Variants in PTCHD4 observed in about 807,000 individuals in gnomAD.
PTCHD4 encodes the protein patched domain containing 4, also known as patched domain-containing protein 4.
PTCHD4 carries 33 observed loss-of-function variants against 58.1 expected under a neutral mutation model. That is an observed-to-expected ratio of 0.57 (90% confidence interval 0.43 to 0.76). PTCHD4 has a LOEUF of 0.76. Ranked by LOEUF, PTCHD4 falls within the 30% of genes least tolerant of loss-of-function variation. The probability of loss-of-function intolerance (pLI) is 0.00; values close to 1 mark genes in which losing one functional copy is unlikely to be tolerated. For synonymous variants in PTCHD4, 478 were observed against 409.6 expected, an observed-to-expected ratio of 1.17 and a Z score of -2.02; for missense variants, 1,058 against 1,027.1, an observed-to-expected ratio of 1.03 and a Z score of -0.41.
At chr6:48,043,486 A>AT (rs1320501860) in intron 3 of PTCHD4, among the ~76,000 whole-genome samples, 3 of 151,766 alleles carry the variant, frequency 2.0e-5, no homozygotes, top group Non-Finnish European at 4.4e-5. Context: ...TTATCTCACT[A>AT]TTTTTTATCT....
chr6:48,100,658 T>G (rs1765585630), intron 1 of PTCHD4, among the ~76,000 whole-genome samples: 1 of 152,206 alleles, frequency 6.6e-6, no homozygotes, highest in Non-Finnish European at 1.5e-5. Context: ...GAGAGGAAGA[T>G]AAGCTTGGCG....
rs1763921700 is a variant in PTCHD4, at chr6:47,878,789, G to A, written c.2046C>T (p.Asn682=). The change falls in exon 5 of 5, where the codon AAC becomes AAT. Residue 682 remains asparagine, a synonymous_variant. Transcript: ENST00000339488. The part of the protein sequence containing the change: ...TFFLVIHPLG[N]FWLILSVTSI... ...AGGTGACGCTAAGAATTAGCCAGAA[G>A]TTTCCCAGAGGGTGGATCACTAGGA... The A allele has an allele frequency of 2.5e-6, 4 of 1,613,618 alleles. No homozygotes were observed. The highest frequency in any genetic ancestry group is 4.5e-5 in the East Asian group (2 of 44,834).
intron 4 of PTCHD4, among the ~76,000 whole-genome samples, chr6:47,989,977 T>C (rs1239494672): frequency 6.6e-6 from 1 of 152,188 alleles, no homozygotes; most frequent in Non-Finnish European, 1.5e-5. Flanking sequence ...AGGGGGACTC[T>C]ACCCTGCAAA....
intron 4 of PTCHD4, chr6:47,901,491 C>CA (rs1186714348): frequency 4.1e-6 from 4 of 979,672 alleles, no homozygotes. Context: ...TAAACTTCAT[C>CA]AGTCAGTATT....
intron 4 of PTCHD4, among the ~76,000 whole-genome samples, chr6:47,922,435 GC>G (rs1240398006): frequency 6.6e-6 from 1 of 152,048 alleles, no homozygotes; most frequent in Admixed American, 6.6e-5. Flanking sequence ...TCCTTTACCA[GC>G]CCCCCTGCCG....
At chr6:48,075,439 GT>G (rs748270040) in intron 1 of PTCHD4, among the ~76,000 whole-genome samples, 8,137 of 136,648 alleles carry the variant, frequency 0.06, 222 homozygotes, top group Non-Finnish European at 0.075. Context: ...AGTTTTGTGG[GT>G]TTTTTTTTTT....
At chr6:48,049,353 A>G (rs1201136370) in intron 3 of PTCHD4, among the ~76,000 whole-genome samples, 1 of 151,916 alleles carries the variant, frequency 6.6e-6, no homozygotes, top group African/African-American at 2.4e-5. Context: ...GTTCTCTGAA[A>G]TATTGAAATA....
intron 4 of PTCHD4, among the ~76,000 whole-genome samples, chr6:48,006,622 G>T (rs1762448479): frequency 6.6e-6 from 1 of 152,132 alleles, no homozygotes; most frequent in African/African-American, 2.4e-5. Context: ...ACTCATCTTT[G>T]TCATTGGTGA....
At chr6:48,021,411 T>A (rs1314981846) in intron 3 of PTCHD4, among the ~76,000 whole-genome samples, 1 of 152,150 alleles carries the variant, frequency 6.6e-6, no homozygotes, top group Non-Finnish European at 1.5e-5. Flanking sequence ...GTTGGCTCAA[T>A]ATCACTCTCC....
intron 1 of PTCHD4, among the ~76,000 whole-genome samples, chr6:48,101,571 T>C (rs1378331493): frequency 1.3e-5 from 2 of 152,212 alleles, no homozygotes; most frequent in Non-Finnish European, 2.9e-5. Context: ...TTACAGTTGA[T>C]GAGTGGAGAT....
chr6:48,048,658 C>T (rs1764124569), intron 3 of PTCHD4, among the ~76,000 whole-genome samples: 1 of 151,858 alleles, frequency 6.6e-6, no homozygotes, highest in Non-Finnish European at 1.5e-5. Flanking sequence ...CATCTCAGCT[C>T]GCTGTTTCTG....
At chr6:48,056,205 T>A (rs1764398436) in intron 3 of PTCHD4, among the ~76,000 whole-genome samples, 1 of 152,200 alleles carries the variant, frequency 6.6e-6, no homozygotes, top group African/African-American at 2.4e-5. Flanking sequence ...ATACAATACA[T>A]ATCCTCAAAA....
At chr6:48,006,698 T>C (rs1762450270) in intron 4 of PTCHD4, among the ~76,000 whole-genome samples, 1 of 152,232 alleles carries the variant, frequency 6.6e-6, no homozygotes, top group South Asian at 2.1e-4. Context: ...ACAATATTAA[T>C]ATGTATTTAG....
In PTCHD4 at chr6:47,879,709, A is replaced by G; in HGVS notation, c.1126T>C (p.Tyr376His). Residue 376 changes from tyrosine (Y) to histidine (H), a missense_variant, in exon 5 of 5, where the codon TAC becomes CAC. Physicochemically the swap from Tyr to His is moderately conservative, Grantham distance 83. Transcript: ENST00000339488. ...CCAAAGAAGGAGAAAATGTAGAAGT[A>G]GTTCAACAGAATAGAGACACACATG... Reference protein sequence around the residue: ...QNMCVSILLNYFYIFSFFGSC... With the variant: ...QNMCVSILLNHFYIFSFFGSC... The G allele has an allele frequency of 6.2e-7, 1 of 1,613,678 alleles. No homozygotes were observed.
intron 4 of PTCHD4, among the ~76,000 whole-genome samples, chr6:47,957,911 T>C (rs990676227): frequency 6.6e-6 from 1 of 152,092 alleles, no homozygotes; most frequent in Non-Finnish European, 1.5e-5. Flanking sequence ...GCCATAAGAC[T>C]AAATTTTTAA....
intron 4 of PTCHD4, among the ~76,000 whole-genome samples, chr6:47,903,965 A>C (rs918060438): frequency 2.0e-5 from 3 of 152,150 alleles, no homozygotes; most frequent in Non-Finnish European, 2.9e-5. Context: ...CTTCAGGAGA[A>C]GCATATTCCT....
chr6:48,084,740 T>A (rs1373078114), intron 1 of PTCHD4, among the ~76,000 whole-genome samples: 4 of 150,370 alleles, frequency 2.7e-5, no homozygotes, highest in Non-Finnish European at 5.9e-5. Context: ...TCTTTCTTTT[T>A]TTTTTTTTTT....
chr6:47,892,228 A>G (rs1024666730), intron 4 of PTCHD4, among the ~76,000 whole-genome samples: 3 of 152,196 alleles, frequency 2.0e-5, no homozygotes, highest in African/African-American at 7.2e-5. Flanking sequence ...AATGGTCAAG[A>G]GGAAGGAATT....
chr6:48,104,476 G>T (rs573018913), intron 1 of PTCHD4, among the ~76,000 whole-genome samples: 1 of 152,096 alleles, frequency 6.6e-6, no homozygotes, highest in Admixed American at 6.5e-5. Flanking sequence ...AGGAACAACC[G>T]GTACCAGCCA....
Sources: gnomAD v4.1 joint callset for allele counts (sites outside exome capture counted in the v4.1 genomes callset) on GRCh38, gnomAD v4.1.1 for gene constraint, MANE v1.5 for transcripts, NCBI Gene and HGNC (gene_info 2026-07-23, HGNC 2026-07-21) for gene names.